The following PPP6R3 variants were observed in gnomAD, a reference collection of about 807,000 sequenced individuals.
PPP6R3 encodes the protein serine/threonine-protein phosphatase 6 regulatory subunit 3.
A neutral mutation model predicts 110.7 loss-of-function variants in PPP6R3; 38 were observed. The observed-to-expected ratio is 0.34, with a 90% CI of 0.26 to 0.45. The LOEUF (loss-of-function observed/expected upper bound fraction) is 0.45, where lower values mean the gene tolerates loss of function less well. PPP6R3 is among the 20% of genes least tolerant of loss of function. PPP6R3 has a pLI of 1.00. For synonymous variants in PPP6R3, 369 were observed against 373.5 expected (o/e 0.99, Z 0.14); for missense variants, 870 against 1,062.4 (o/e 0.82, Z 2.52).
At chr11:68,560,927 C>T (rs1172131095) in intron 8 of PPP6R3, among the ~76,000 whole-genome samples, 2 of 132,320 alleles carry the variant, frequency 1.5e-5, no homozygotes, top group Non-Finnish European at 3.1e-5. Context: ...GACAGAGTCT[C>T]GTTCTGTCAC....
At chr11:68,482,244 A>G (rs1481840636) in intron 1 of PPP6R3, among the ~76,000 whole-genome samples, 1 of 151,060 alleles carries the variant, frequency 6.6e-6, no homozygotes, top group Non-Finnish European at 1.5e-5. Flanking sequence ...AAAAAAACCA[A>G]AAAAACCTGA....
intron 19 of PPP6R3, among the ~76,000 whole-genome samples, chr11:68,597,696 G>A (rs757574445): frequency 8.6e-5 from 13 of 151,942 alleles, no homozygotes; most frequent in Non-Finnish European, 1.6e-4. Context: ...TACAGTTCAA[G>A]GTTGGGTGCA....
intron 12 of PPP6R3, 49 bp from the exon 13 acceptor site, chr11:68,574,060 C>T: frequency 7.5e-7 from 1 of 1,328,656 alleles, no homozygotes. Context: ...AGTGTTTCAT[C>T]ACTTCATCCT....
intron 1 of PPP6R3, among the ~76,000 whole-genome samples, chr11:68,469,672 C>A (rs1206545151): frequency 6.6e-6 from 1 of 152,196 alleles, no homozygotes; most frequent in East Asian, 1.9e-4. Flanking sequence ...AACTACCATG[C>A]CTGGCCTCTA....
At chr11:68,487,384 C>T (rs2098954525) in intron 1 of PPP6R3, among the ~76,000 whole-genome samples, 1 of 151,972 alleles carries the variant, frequency 6.6e-6, no homozygotes, top group African/African-American at 2.4e-5. Context: ...GCCTGGCCAA[C>T]ATGGCAAAAC....
intron 1 of PPP6R3, among the ~76,000 whole-genome samples, chr11:68,513,055 T>C (rs972578143): frequency 3.9e-5 from 6 of 152,216 alleles, no homozygotes; most frequent in Admixed American, 1.3e-4. Flanking sequence ...CTCCACGATA[T>C]ACACCAGCAG....
At chr11:68,563,524 T>G (rs1662597202) in intron 8 of PPP6R3, among the ~76,000 whole-genome samples, 1 of 152,204 alleles carries the variant, frequency 6.6e-6, no homozygotes. Context: ...AAGGTGACAT[T>G]TGCAGGCCCT....
In PPP6R3 at chr11:68,551,189, A is replaced by G; in HGVS notation, c.618+3A>G. ...TTCATCCATCGCAAGAAGAAGATGTAAGTTCACTTGTGTGACTGTAAACTT... is the reference window on the plus strand; with the variant it reads ...TTCATCCATCGCAAGAAGAAGATGTGAGTTCACTTGTGTGACTGTAAACTT... On this transcript the variant is annotated splice_donor_region_variant and intron_variant, in intron 6 of 23. Transcript: ENST00000393800. 1 of 1,605,900 alleles carries G rather than the reference A, an allele frequency of 6.2e-7. No homozygotes were observed. The highest frequency in any genetic ancestry group is 1.3e-5 in the African/African-American group (1 of 74,852).
At chr11:68,543,589 G>A (rs76071731) in intron 3 of PPP6R3, among the ~76,000 whole-genome samples, 1 of 152,290 alleles carries the variant, frequency 6.6e-6, no homozygotes, top group African/African-American at 2.4e-5. Context: ...GATGCCCCAG[G>A]TGTGTCGTAT....
chr11:68,614,378 A>G lies in PPP6R3; in HGVS notation c.*1261A>G. 1 of 1,244,092 alleles carries G rather than the reference A, an allele frequency of 8.0e-7. No individual in the cohort carries two copies. Among genetic ancestry groups the G allele is most frequent in the Non-Finnish European group, 1.0e-6 (1 of 990,352 alleles). 77.1% of individuals were successfully genotyped at this position (1,244,092 alleles called of 1,614,324 possible). ...TGCCATATCGTCTGGTGAAAGGGTT[A>G]AATTACTTCACCTCTTGCACTTTTA... is the stretch of plus-strand genomic sequence containing the variant. On this transcript the variant is annotated 3_prime_UTR_variant, in exon 24 of 24. Transcript: ENST00000393800.
chr11:68,461,934 A>G (rs1028286748), intron 1 of PPP6R3, among the ~76,000 whole-genome samples: 1 of 152,130 alleles, frequency 6.6e-6, no homozygotes, highest in Non-Finnish European at 1.5e-5. Flanking sequence ...AGTGTATGAG[A>G]CCCAGTTATG....
At chr11:68,488,623 G>A (rs2098963799) in intron 1 of PPP6R3, 1 of 152,714 alleles carries the variant, frequency 6.5e-6, no homozygotes, top group Non-Finnish European at 1.5e-5. Context: ...CCAAGCTTGG[G>A]CCCTAGAGCA....
At chr11:68,542,389 G>GGTTTTTTTTTTT (rs1555132283) in intron 3 of PPP6R3, among the ~76,000 whole-genome samples, 3 of 40,188 alleles carry the variant, frequency 7.5e-5, no homozygotes, top group Admixed American at 4.3e-4. Context: ...AGAAGCTGCT[G>GGTTTTTTTTTTT]TTTTTTTTTT....
At chr11:68,473,624 G>C (rs1459519343) in intron 1 of PPP6R3, among the ~76,000 whole-genome samples, 1 of 152,160 alleles carries the variant, frequency 6.6e-6, no homozygotes, top group African/African-American at 2.4e-5. Flanking sequence ...CAGTCTTGTG[G>C]GACTGAGTCC....
chr11:68,610,116 C>T (rs1942652309), intron 23 of PPP6R3, 93 bp downstream of exon 23: 7 of 1,508,642 alleles, frequency 4.6e-6, no homozygotes, highest in Middle Eastern at 1.7e-4. Context: ...GGATCGTTTA[C>T]AGCTGTGCTC....
In PPP6R3 at chr11:68,588,096, G is replaced by A. The variant is rs183172755; in HGVS notation, c.1730+72G>A. ...TCTTGGTAGATGTATGTGTGATTCT[G>A]CGGGATTCTTAGTCTTGAGCATTCG... On this transcript the variant is annotated intron_variant, in intron 16 of 23. Coordinates refer to ENST00000393800, the MANE Select transcript of PPP6R3 (RefSeq NM_001164161.2). 106 of 1,334,510 alleles carry A rather than the reference G, an allele frequency of 7.9e-5. No individual in the cohort carries two copies. The East Asian group carries it at 2.4e-3, about 30-fold the overall frequency. The allele number at this position is 1,334,510 out of a possible 1,614,324, so 82.7% of individuals were successfully genotyped here.
chr11:68,498,892 T>C (rs2153471888), intron 1 of PPP6R3, among the ~76,000 whole-genome samples: 1 of 152,344 alleles, frequency 6.6e-6, no homozygotes, highest in Admixed American at 6.5e-5. Flanking sequence ...TGGCATCTAC[T>C]AAAGCTATTG....
At chr11:68,535,726 G>T (rs2099266606) in intron 2 of PPP6R3, among the ~76,000 whole-genome samples, 4 of 151,356 alleles carry the variant, frequency 2.6e-5, no homozygotes, top group African/African-American at 9.7e-5. Flanking sequence ...ACTTGGGGAG[G>T]CTGAGGCAGG....
intron 1 of PPP6R3, among the ~76,000 whole-genome samples, chr11:68,485,856 G>T (rs999559552): frequency 6.6e-6 from 1 of 151,920 alleles, no homozygotes; most frequent in African/African-American, 2.4e-5. Flanking sequence ...CATCATGCCC[G>T]GCGACAGATT....
Sources: allele counts gnomAD v4.1 joint callset (sites outside exome capture counted in the v4.1 genomes callset), GRCh38; gene constraint gnomAD v4.1.1; transcripts MANE v1.5; gene names NCBI Gene and HGNC (gene_info 2026-07-23, HGNC 2026-07-21).